The following ADCK1 variants were observed in gnomAD, a reference collection of about 807,000 sequenced individuals.
The protein encoded by ADCK1 is aarF domain containing kinase 1, also known as aarF domain-containing protein kinase 1.
ADCK1 carries 41 observed loss-of-function variants against 52.3 expected under a neutral mutation model. The ratio of observed to expected loss-of-function variants is 0.78; its 90% CI spans 0.61 to 1.02. ADCK1 has a LOEUF of 1.02. Ranked by LOEUF, ADCK1 falls within the 50% of genes least tolerant of loss-of-function variation. The pLI is 0.00. For missense variants in ADCK1, 658 were observed against 679.5 expected (o/e 0.97, Z 0.35); for synonymous variants, 250 against 274.6 (o/e 0.91, Z 0.89).
intron 10 of ADCK1, among the ~76,000 whole-genome samples, chr14:77,932,122 C>T (rs1257541923): frequency 6.7e-6 from 1 of 149,036 alleles, no homozygotes; most frequent in South Asian, 2.2e-4. Flanking sequence ...GATCTCGGCT[C>T]ACTGCAACCT....
intron 4 of ADCK1, among the ~76,000 whole-genome samples, chr14:77,886,523 C>T (rs545602143): frequency 3.3e-4 from 50 of 152,274 alleles, no homozygotes; most frequent in African/African-American, 9.4e-4. Flanking sequence ...TATGAGGATG[C>T]GCCTTCCATG....
At chr14:77,905,304 G>GGT (rs2083636578) in intron 6 of ADCK1, among the ~76,000 whole-genome samples, 1 of 96,278 alleles carries the variant, frequency 1.0e-5, no homozygotes, top group East Asian at 2.4e-4. Flanking sequence ...TTCCTAGCTG[G>GGT]TTTTTTTTTT....
At chr14:77,857,828 C>G (rs915018874) in intron 3 of ADCK1, among the ~76,000 whole-genome samples, 1 of 152,192 alleles carries the variant, frequency 6.6e-6, no homozygotes, top group Non-Finnish European at 1.5e-5. Flanking sequence ...GGTTCACTCT[C>G]TTGGTTGACT....
chr14:77,926,783 T>C (rs570823865), intron 9 of ADCK1, among the ~76,000 whole-genome samples: 1 of 152,280 alleles, frequency 6.6e-6, no homozygotes, highest in South Asian at 2.1e-4. Context: ...GGGAGACACA[T>C]CGGGAGCACC....
intron 9 of ADCK1, among the ~76,000 whole-genome samples, chr14:77,927,982 G>A (rs988984666): frequency 6.6e-6 from 1 of 152,194 alleles, no homozygotes; most frequent in African/African-American, 2.4e-5. Flanking sequence ...CGAGTGGGGT[G>A]AGATGAGTGG....
At chr14:77,872,685 T>TC (rs2082809094) in intron 4 of ADCK1, among the ~76,000 whole-genome samples, 1 of 151,406 alleles carries the variant, frequency 6.6e-6, no homozygotes, top group Non-Finnish European at 1.5e-5. Flanking sequence ...TCCTTTTTTT[T>TC]TTTTTTGAGA....
At chr14:77,800,638 C>A (rs1485518796) in intron 1 of ADCK1, among the ~76,000 whole-genome samples, 2 of 152,242 alleles carry the variant, frequency 1.3e-5, no homozygotes, top group Non-Finnish European at 2.9e-5. Context: ...CCCGGTCTTG[C>A]GAACGTGCCC....
intron 9 of ADCK1, among the ~76,000 whole-genome samples, chr14:77,930,541 T>C (rs1486678907): frequency 6.6e-6 from 1 of 152,070 alleles, no homozygotes; most frequent in Non-Finnish European, 1.5e-5. Flanking sequence ...TCGAGTCCTG[T>C]GGTGAGGTGA....
At chr14:77,933,198 T>C (rs1348787506) in intron 10 of ADCK1, 22 bp from the exon 11 acceptor site, 1 of 1,608,608 alleles carries the variant, frequency 6.2e-7, no homozygotes, top group East Asian at 2.2e-5. Flanking sequence ...TCTTTTCTCC[T>C]TTTTTCTTTC....
Position 77,803,772 on chromosome 14 carries a change from G to A in ADCK1, c.-12+3602G>A, listed in dbSNP as rs573919504. On this transcript the variant is annotated intron_variant, in intron 1 of 10. Coordinates refer to ENST00000238561, the MANE Select transcript of ADCK1 (RefSeq NM_020421.4). ...GCCTGGCACTGGGTCAGAAATCATA[G>A]TCTCTGCCCACAGCAACAGTTGCAT... Among the ~76,000 whole-genome samples the A allele has an allele frequency of 3.3e-5, 5 of 152,310 alleles. No homozygotes were observed. In the South Asian group the frequency reaches 6.2e-4, roughly 19 times the overall value.
chr14:77,927,063 TC>T (rs1388305764), intron 9 of ADCK1, among the ~76,000 whole-genome samples: 1 of 152,188 alleles, frequency 6.6e-6, no homozygotes, highest in Non-Finnish European at 1.5e-5. Context: ...CTCCAGCGCC[TC>T]GTCTTCCTTA....
chr14:77,875,621 C>T (rs549386803), intron 4 of ADCK1, among the ~76,000 whole-genome samples: 14 of 152,268 alleles, frequency 9.2e-5, no homozygotes, highest in Admixed American at 5.9e-4. Context: ...ACGTCAGCCA[C>T]GAAGTCCTCA....
intron 4 of ADCK1, among the ~76,000 whole-genome samples, chr14:77,861,066 C>T (rs866174377): frequency 6.6e-6 from 1 of 152,112 alleles, no homozygotes; most frequent in Non-Finnish European, 1.5e-5. Context: ...TGGAAGACGT[C>T]GCCTGATCTT....
chr14:77,902,892 T>C (rs2083577655), intron 6 of ADCK1: 1 of 152,358 alleles, frequency 6.6e-6, no homozygotes, highest in Non-Finnish European at 1.5e-5. Flanking sequence ...AGAGGACAGT[T>C]TGAGTAGAGG....
Position 77,916,102 on chromosome 14 carries a change from T to G in ADCK1, c.858+8183T>G, listed in dbSNP as rs1357999359. ...GAAACCCTTTCCCCATTTTTCATAT[T>G]GACCCAGGTAAGGTGGAAAGATAGG... On this transcript the variant is annotated intron_variant, in intron 7 of 10. Coordinates refer to ENST00000238561, the MANE Select transcript of ADCK1 (RefSeq NM_020421.4). Among the ~76,000 whole-genome samples, 3 of 152,180 alleles carry G rather than the reference T, an allele frequency of 2.0e-5. No homozygotes were observed. In the East Asian group the frequency reaches 5.8e-4, roughly 29 times the overall value.
chr14:77,929,655 G>A (rs1450559480), intron 9 of ADCK1, among the ~76,000 whole-genome samples: 2 of 152,064 alleles, frequency 1.3e-5, no homozygotes, highest in African/African-American at 2.4e-5. Context: ...GACCCCAAGG[G>A]ATCAAGTGAA....
intron 10 of ADCK1, among the ~76,000 whole-genome samples, chr14:77,932,843 T>C (rs1326838023): frequency 6.6e-6 from 1 of 152,206 alleles, no homozygotes; most frequent in East Asian, 1.9e-4. Context: ...TCCAAGTGAT[T>C]CTTATCCTTA....
chr14:77,835,403 A>G (rs990388930), intron 3 of ADCK1, among the ~76,000 whole-genome samples: 1 of 152,214 alleles, frequency 6.6e-6, no homozygotes, highest in African/African-American at 2.4e-5. Context: ...AGAATTAAGC[A>G]GTATTTTGGA....
rs1217155149 is a variant in ADCK1, at chr14:77,810,624, G to A, written c.-11-8344G>A. Among the ~76,000 whole-genome samples the A allele has an allele frequency of 2.7e-5, 4 of 149,440 alleles. No homozygotes were observed. The East Asian group carries it at 6.0e-4, about 22-fold the overall frequency. The stretch of plus-strand genomic sequence containing the variant: ...CAGCTCACTGCAAGCTATGCCTCCC[G>A]GGTTCACGCCATTTTCCTACCTCAG... On this transcript the variant is annotated intron_variant, in intron 1 of 10. Transcript: ENST00000238561.
Sources: gnomAD v4.1 joint callset for allele counts (sites outside exome capture counted in the v4.1 genomes callset) on GRCh38, gnomAD v4.1.1 for gene constraint, MANE v1.5 for transcripts, NCBI Gene and HGNC (gene_info 2026-07-23, HGNC 2026-07-21) for gene names.